COL8A1: variants seen among roughly 807,000 people sequenced by gnomAD.
COL8A1 encodes the protein collagen alpha-1(VIII) chain.
Under a neutral mutation model 42.7 loss-of-function variants are expected in COL8A1, and 21 were observed. That is an observed-to-expected ratio of 0.49 (90% CI 0.35 to 0.71). The LOEUF (loss-of-function observed/expected upper bound fraction) is 0.71, where lower values mean the gene tolerates loss of function less well. COL8A1 is among the 30% of genes least tolerant of loss of function. The pLI, the probability that COL8A1 is intolerant of heterozygous loss-of-function variation, is 0.01. For missense variants in COL8A1, 788 were observed against 962.4 expected (o/e 0.82, Z 2.40); for synonymous variants, 367 against 369.1 (o/e 0.99, Z 0.06).
chr3:99,748,769 C>T (rs1362490300), intron 2 of COL8A1, among the ~76,000 whole-genome samples: 1 of 152,154 alleles, frequency 6.6e-6, no homozygotes, highest in African/African-American at 2.4e-5. Context: ...TGGGCATTCT[C>T]ACACATCTTC....
intron 1 of COL8A1, among the ~76,000 whole-genome samples, chr3:99,658,613 C>T (rs1243097452): frequency 6.6e-6 from 1 of 152,152 alleles, no homozygotes; most frequent in East Asian, 1.9e-4. Context: ...AGTGCAGGTA[C>T]TCAGTGCTGT....
chr3:99,768,219 G>T (rs1168906513), intron 2 of COL8A1, among the ~76,000 whole-genome samples: 1 of 152,066 alleles, frequency 6.6e-6, no homozygotes, highest in Non-Finnish European at 1.5e-5. Context: ...TTTCTTTTTT[G>T]CACAGTTGTT....
chr3:99,666,361 C>T (rs1369905033), intron 1 of COL8A1, among the ~76,000 whole-genome samples: 1 of 151,620 alleles, frequency 6.6e-6, no homozygotes, highest in Non-Finnish European at 1.5e-5. Context: ...AATGTCTCAG[C>T]TCCTGGCATC....
intron 1 of COL8A1, among the ~76,000 whole-genome samples, chr3:99,682,038 G>A (rs988654660): frequency 6.6e-6 from 1 of 152,166 alleles, no homozygotes; most frequent in Non-Finnish European, 1.5e-5. Flanking sequence ...AATAAGAAAG[G>A]GAAACTATTG....
chr3:99,728,289 CAA>C (rs1016823037), intron 1 of COL8A1, among the ~76,000 whole-genome samples: 17 of 152,074 alleles, frequency 1.1e-4, no homozygotes, highest in African/African-American at 4.1e-4. Flanking sequence ...GCAACTTCAG[CAA>C]AGTCTCAGGA....
intron 2 of COL8A1, among the ~76,000 whole-genome samples, chr3:99,766,910 T>C (rs575180195): frequency 7.8e-4 from 119 of 151,906 alleles, no homozygotes; most frequent in African/African-American, 2.8e-3. Context: ...TATCGTGCCA[T>C]TGCACTCCAG....
At chr3:99,771,406 A>C (rs1941578854) in intron 2 of COL8A1, among the ~76,000 whole-genome samples, 1 of 152,240 alleles carries the variant, frequency 6.6e-6, no homozygotes, top group Non-Finnish European at 1.5e-5. Flanking sequence ...TAATTTTAGC[A>C]TCACTAGGTT....
At chr3:99,789,830 T>G (rs1364155848) in intron 2 of COL8A1, among the ~76,000 whole-genome samples, 2 of 152,194 alleles carry the variant, frequency 1.3e-5, no homozygotes, top group African/African-American at 4.8e-5. Flanking sequence ...ATGGTCCAAT[T>G]AACCAATTTC....
rs940437961 is a variant in COL8A1, at chr3:99,797,601, T to C, written c.*1465T>C. ...TCAGCTTTCAAAATCCAAGCCATAA[T>C]TGGTGAGGGGGGAGTTTCAGAATTA... is the stretch of plus-strand genomic sequence containing the variant. On this transcript the variant is annotated 3_prime_UTR_variant, in exon 4 of 4. Transcript: ENST00000652472. The C allele has an allele frequency of 3.9e-5, 6 of 152,146 alleles. No homozygotes were observed. The highest frequency in any genetic ancestry group is 2.1e-4 in the South Asian group (1 of 4,822). The allele number at this position is 152,146 out of a possible 1,614,324, so 9.4% of individuals were successfully genotyped here.
intron 1 of COL8A1, among the ~76,000 whole-genome samples, chr3:99,640,243 C>A (rs1157410746): frequency 6.6e-6 from 1 of 152,182 alleles, no homozygotes; most frequent in East Asian, 1.9e-4. Flanking sequence ...GTGACCTGAG[C>A]ATATTAACAT....
intron 2 of COL8A1, among the ~76,000 whole-genome samples, chr3:99,774,999 C>G (rs1371909105): frequency 2.0e-5 from 3 of 152,148 alleles, no homozygotes; most frequent in Admixed American, 2.0e-4. Context: ...GAGGAAGAAA[C>G]AGTGGTAGGT....
chr3:99,709,232 A>C (rs1939766056), intron 1 of COL8A1, among the ~76,000 whole-genome samples: 1 of 152,262 alleles, frequency 6.6e-6, no homozygotes, highest in South Asian at 2.1e-4. Flanking sequence ...TGGACCACCC[A>C]TATCAGAATT....
intron 1 of COL8A1, among the ~76,000 whole-genome samples, chr3:99,731,149 GAAAAT>G (rs1223904892): frequency 6.6e-6 from 1 of 152,000 alleles, no homozygotes; most frequent in Non-Finnish European, 1.5e-5. Context: ...GAGACAGACT[GAAAAT>G]AAACAAAATG....
chr3:99,659,495 C>T (rs1055626412), intron 1 of COL8A1, among the ~76,000 whole-genome samples: 1 of 152,174 alleles, frequency 6.6e-6, no homozygotes, highest in African/African-American at 2.4e-5. Flanking sequence ...TAAGGGAATA[C>T]TCCTCTGAGG....
intron 1 of COL8A1, among the ~76,000 whole-genome samples, chr3:99,737,339 T>C (rs1940755787): frequency 6.6e-6 from 1 of 152,170 alleles, no homozygotes. Flanking sequence ...TCTTTACATT[T>C]TGGCATGATT....
intron 3 of COL8A1, among the ~76,000 whole-genome samples, chr3:99,792,887 G>C (rs1032787455): frequency 2.0e-5 from 3 of 152,182 alleles, no homozygotes; most frequent in African/African-American, 7.2e-5. Context: ...TTCTAAAGGA[G>C]AGATGTGGAA....
chr3:99,710,252 C>T (rs866418641), intron 1 of COL8A1, among the ~76,000 whole-genome samples: 6 of 152,186 alleles, frequency 3.9e-5, no homozygotes, highest in East Asian at 3.9e-4. Flanking sequence ...CTTTTGCCTG[C>T]GCTACTCACC....
At chr3:99,747,703 T>C (rs1941057221) in intron 2 of COL8A1, among the ~76,000 whole-genome samples, 1 of 152,234 alleles carries the variant, frequency 6.6e-6, no homozygotes. Context: ...ATATAAATAT[T>C]CTGTACATAT....
chr3:99,721,365 T>C (rs1266904644), intron 1 of COL8A1, among the ~76,000 whole-genome samples: 1 of 50,582 alleles, frequency 2.0e-5, no homozygotes, highest in African/African-American at 7.9e-5. Flanking sequence ...AGCCACAATT[T>C]AGACAAAAAA....
Sources: allele counts gnomAD v4.1 joint callset (sites outside exome capture counted in the v4.1 genomes callset), GRCh38; gene constraint gnomAD v4.1.1; transcripts MANE v1.5; gene names NCBI Gene and HGNC (gene_info 2026-07-23, HGNC 2026-07-21).